Variants in CLDN16 observed in about 807,000 individuals in gnomAD.
CLDN16 encodes claudin-16.
CLDN16 carries 13 observed loss-of-function variants against 24.6 expected under a neutral mutation model. That is an observed-to-expected ratio of 0.53 (90% CI 0.34 to 0.84). The LOEUF is 0.84. Among genes scored for constraint, CLDN16 ranks in the 40% least tolerant of loss-of-function variants. The pLI is 0.01. For synonymous variants in CLDN16, 116 were observed against 106.7 expected (o/e 1.09, Z -0.54); for missense variants, 298 against 292.7 (o/e 1.02, Z -0.13).
chr3:190,360,501 T>G (rs538822532), intron 1 of CLDN16, among the ~76,000 whole-genome samples: 1 of 151,922 alleles, frequency 6.6e-6, no homozygotes, highest in Admixed American at 6.6e-5. Context: ...ACTGGTGTAA[T>G]AGCAGAGTTG....
intron 1 of CLDN16, among the ~76,000 whole-genome samples, chr3:190,397,841 G>A (rs1356518850): frequency 1.3e-5 from 2 of 152,174 alleles, no homozygotes; most frequent in African/African-American, 4.8e-5. Flanking sequence ...GCAGGTAAAT[G>A]ATCAATAGCC....
the CLDN16 span, among the ~76,000 whole-genome samples, chr3:190,295,978 T>A: frequency 1.3e-5 from 2 of 152,184 alleles, no homozygotes; most frequent in Admixed American, 1.3e-4. Context: ...CTAGGGTTTT[T>A]TATTTCATCT....
intron 2 of CLDN16, among the ~76,000 whole-genome samples, chr3:190,373,463 T>A (rs1718184269): frequency 6.6e-6 from 1 of 152,030 alleles, no homozygotes; most frequent in Non-Finnish European, 1.5e-5. Flanking sequence ...ATTCTCAATC[T>A]TCTTGAAAAG....
intron 1 of CLDN16, among the ~76,000 whole-genome samples, chr3:190,340,366 G>A (rs953664664): frequency 6.6e-6 from 1 of 152,124 alleles, no homozygotes; most frequent in African/African-American, 2.4e-5. Context: ...CATGCAGCGG[G>A]GAGGCCTCAC....
At chr3:190,313,167 A>G in the CLDN16 span, 1 of 989,208 alleles carries the variant, frequency 1.0e-6, no homozygotes, top group Non-Finnish European at 1.5e-6. Context: ...GACCCCAGTC[A>G]TACTGATGTT....
At chr3:190,338,784 C>G (rs142783587) in intron 1 of CLDN16, among the ~76,000 whole-genome samples, 3 of 152,242 alleles carry the variant, frequency 2.0e-5, no homozygotes, top group African/African-American at 4.8e-5. Context: ...AAGCTAAGAC[C>G]AGATAGGAAG....
At chr3:190,322,001 G>T (rs760510805), upstream of CLDN16, 12 of 1,614,130 alleles carry the variant, frequency 7.4e-6, no homozygotes, top group East Asian at 2.7e-4. Context: ...ATTCAGCAAG[G>T]AGTCAAAGAC....
Position 190,342,808 on chromosome 3 carries a change from T to A in CLDN16, n.121+20147T>A, listed in dbSNP as rs1484488258. On this transcript the variant is annotated intron_variant and non_coding_transcript_variant, in intron 1 of 4. Transcript: ENST00000468220. ...CCCTTCCAGCACACACAAAAATTAA[T>A]TTAGAATGGATTAAAGACTTAAACA... is the stretch of plus-strand genomic sequence containing the variant. Among the ~76,000 whole-genome samples the A allele has an allele frequency of 2.6e-5, 4 of 152,086 alleles. No individual in the cohort carries two copies. In the East Asian group the frequency reaches 7.7e-4, roughly 29 times the overall value.
Position 190,388,207 on chromosome 3 carries a change from AG to A in CLDN16, c.-122del. The A allele has an allele frequency of 6.2e-7, 1 of 1,614,102 alleles. No homozygotes were observed. The highest frequency in any genetic ancestry group is 2.2e-5 in the East Asian group (1 of 44,866). ...ACACCTGCAGCAGGGCGTGAGAAAA[AG>A]TAAAAGACCAGTATTTTCACATTGC... is the stretch of plus-strand genomic sequence containing the variant. On this transcript the variant is annotated 5_prime_UTR_variant, in exon 1 of 5. Coordinates refer to ENST00000264734, the MANE Select transcript of CLDN16 (RefSeq NM_006580.4).
chr3:190,407,679 C>T (rs959293214), intron 3 of CLDN16, among the ~76,000 whole-genome samples: 1 of 152,116 alleles, frequency 6.6e-6, no homozygotes, highest in East Asian at 1.9e-4. Flanking sequence ...AAGGGAATAA[C>T]ATTTCTTGGT....
chr3:190,294,130 G>T, the CLDN16 span, among the ~76,000 whole-genome samples: 1 of 152,148 alleles, frequency 6.6e-6, no homozygotes, highest in East Asian at 1.9e-4. Flanking sequence ...TAATCTGGGG[G>T]ATTTTTCAGC....
chr3:190,410,143 T>TTC lies in CLDN16; in HGVS notation c.*108_*109insCT. The TTC allele has an allele frequency of 4.8e-6, 6 of 1,244,430 alleles. No homozygotes were observed. Among genetic ancestry groups the TTC allele is most frequent in the Non-Finnish European group, 7.1e-6 (6 of 849,720 alleles). The allele number at this position is 1,244,430 out of a possible 1,614,324, so 77.1% of individuals were successfully genotyped here. A position where few individuals can be genotyped will look rare whatever the true frequency, so the allele number is the denominator to read the frequency against. On this transcript the variant is annotated 3_prime_UTR_variant, in exon 5 of 5. Coordinates refer to ENST00000264734, the MANE Select transcript of CLDN16 (RefSeq NM_006580.4). ...ACAGTTATTTAGAATTCATATTGAA[T>TTC]TAAATTAATTGCTAGCTTAATCAAA...
At chr3:190,337,561 T>A (rs970398391) in intron 1 of CLDN16, among the ~76,000 whole-genome samples, 1 of 152,202 alleles carries the variant, frequency 6.6e-6, no homozygotes, top group African/African-American at 2.4e-5. Flanking sequence ...ATATACCCGA[T>A]GCCATATCCA....
At chr3:190,359,466 T>A (rs1717842707) in intron 1 of CLDN16, among the ~76,000 whole-genome samples, 1 of 152,070 alleles carries the variant, frequency 6.6e-6, no homozygotes, top group African/African-American at 2.4e-5. Flanking sequence ...ATCCTACAGT[T>A]GTTTCTAAAG....
At chr3:190,407,753 T>C (rs1242337962) in intron 3 of CLDN16, among the ~76,000 whole-genome samples, 1 of 152,220 alleles carries the variant, frequency 6.6e-6, no homozygotes, top group South Asian at 2.1e-4. Context: ...CATTTTTTAC[T>C]TCAATTATTT....
intron 1 of CLDN16, among the ~76,000 whole-genome samples, chr3:190,353,048 T>G (rs1448770921): frequency 6.6e-6 from 1 of 152,110 alleles, no homozygotes; most frequent in African/African-American, 2.4e-5. Context: ...ATAGTAAGTG[T>G]TCATTAATAT....
the CLDN16 span, among the ~76,000 whole-genome samples, chr3:190,305,161 C>G: frequency 5.3e-5 from 8 of 152,182 alleles, no homozygotes. Flanking sequence ...GTCTGAGACT[C>G]CACATTAGAG....
chr3:190,314,667 G>A, the CLDN16 span, among the ~76,000 whole-genome samples: 1 of 151,930 alleles, frequency 6.6e-6, no homozygotes, highest in Non-Finnish European at 1.5e-5. Context: ...GCCTCCCAAA[G>A]TTCTGGGATT....
chr3:190,348,324 GC>G (rs1303419958), intron 1 of CLDN16, among the ~76,000 whole-genome samples: 1 of 117,374 alleles, frequency 8.5e-6, no homozygotes, highest in Non-Finnish European at 1.7e-5. Context: ...AAGGAAGACA[GC>G]AAGACTGCAA....
Sources: gnomAD v4.1 joint callset for allele counts (sites outside exome capture counted in the v4.1 genomes callset) on GRCh38, gnomAD v4.1.1 for gene constraint, MANE v1.5 for transcripts, NCBI Gene and HGNC (gene_info 2026-07-23, HGNC 2026-07-21) for gene names.